XIRP2: variants seen among roughly 807,000 people sequenced by gnomAD.
The protein encoded by XIRP2 is xin actin binding repeat containing 2, also known as xin actin-binding repeat-containing protein 2.
In XIRP2, 236 loss-of-function variants were observed where a neutral mutation model predicts 277.0. The ratio of observed to expected loss-of-function variants is 0.85; its 90% CI spans 0.77 to 0.95. The LOEUF is 0.95. Among genes scored for constraint, XIRP2 ranks in the 40% least tolerant of loss-of-function variants. The probability of loss-of-function intolerance (pLI) is 0.00; values close to 1 mark genes in which losing one functional copy is unlikely to be tolerated. For missense variants in XIRP2, 4,640 were observed against 4,157.5 expected (o/e 1.12, Z -3.19); for synonymous variants, 1,490 against 1,416.5 (o/e 1.05, Z -1.17).
intron 2 of XIRP2, among the ~76,000 whole-genome samples, chr2:166,981,450 C>A (rs1166352230): frequency 6.7e-6 from 1 of 150,238 alleles, no homozygotes; most frequent in Non-Finnish European, 1.5e-5. Flanking sequence ...AAGATGGAGT[C>A]TTTCTCTGTC....
At chr2:167,214,142 G>GC (rs1694155526) in intron 4 of XIRP2, among the ~76,000 whole-genome samples, 4 of 95,934 alleles carry the variant, frequency 4.2e-5, no homozygotes, top group East Asian at 3.1e-4. Context: ...AGGAAGCAAA[G>GC]AGAAAGAGAA....
intron 2 of XIRP2, among the ~76,000 whole-genome samples, chr2:167,072,368 C>A (rs1689458129): frequency 1.3e-5 from 2 of 152,076 alleles, no homozygotes; most frequent in Admixed American, 1.3e-4. Flanking sequence ...CTATGTAATT[C>A]TTGACTGGAT....
chr2:167,247,841 T>G lies in XIRP2; in HGVS notation c.6449T>G (p.Ile2150Ser). ...AAGAGTCCTAAAAAGACCAAAAATA[T>G]TAAAATATTAACTGATACACAAAGC... Reference protein sequence around the residue: ...HIKSPKKTKNIKILTDTQSSK... With the variant: ...HIKSPKKTKNSKILTDTQSSK... The change falls in exon 9 of 11, where the codon ATT (isoleucine) becomes AGT (serine). Residue 2150 changes from isoleucine (I) to serine (S), a missense_variant. Coordinates refer to ENST00000409195, the MANE Select transcript of XIRP2 (RefSeq NM_152381.6). 6.2e-7 allele frequency: 1 copy of G among 1,613,340 alleles called. No homozygotes were observed.
At chr2:166,974,457 T>TTA (rs557041328) in intron 2 of XIRP2, among the ~76,000 whole-genome samples, 83 of 151,910 alleles carry the variant, frequency 5.5e-4, no homozygotes, top group African/African-American at 1.5e-3. Flanking sequence ...GGTTTAAAAG[T>TTA]TATATATATA....
chr2:167,247,099 GA>G lies in XIRP2; in HGVS notation c.5712del (p.Ala1905LeufsTer9). ...TATTGAAAAAGCTATTGAATGCCTT[GA>G]AAAAGCTACAAATACAAAGACAGAA... is the stretch of plus-strand genomic sequence containing the variant. ...GDIEKAIECL[E>X]KATNTKTEIL... On this transcript the variant is annotated frameshift_variant, in exon 9 of 11. Transcript: ENST00000409195. LOFTEE classifies it high-confidence loss of function. 6.2e-7 allele frequency: 1 copy of G among 1,612,854 alleles called. No individual in the cohort carries two copies. The highest frequency in any genetic ancestry group is 8.5e-7 in the Non-Finnish European group (1 of 1,179,600).
chr2:167,221,278 A>G (rs1483169957), intron 5 of XIRP2, among the ~76,000 whole-genome samples: 2 of 151,994 alleles, frequency 1.3e-5, no homozygotes, highest in Non-Finnish European at 2.9e-5. Flanking sequence ...CAGCTTGACC[A>G]ACATGGAGAA....
intron 2 of XIRP2, among the ~76,000 whole-genome samples, chr2:166,984,302 G>T (rs1376903109): frequency 6.6e-6 from 1 of 152,048 alleles, no homozygotes; most frequent in Non-Finnish European, 1.5e-5. Context: ...GGGATTATCT[G>T]GTTTATTTAA....
At position 167,244,625 on chromosome 2, in the gene XIRP2, G is replaced by C. The variant is rs886564524; in HGVS notation, c.3233G>C (p.Ser1078Thr). The change falls in exon 9 of 11, where the codon AGT (serine) becomes ACT (threonine). Residue 1078 changes from serine to threonine, a missense_variant. Ser to Thr is a moderately conservative substitution (Grantham distance 58). Coordinates refer to ENST00000409195, the MANE Select transcript of XIRP2 (RefSeq NM_152381.6). ...TTTAGTGATGTGGAAGAAACAGAAA[G>C]TAAAACTGAACAAACTAGAGATATT... ...KYFSDVEETESKTEQTRDIVK... is the reference protein window; with the variant it reads ...KYFSDVEETETKTEQTRDIVK... 6.2e-7 allele frequency: 1 copy of C among 1,612,882 alleles called. No homozygotes were observed. Among genetic ancestry groups the C allele is most frequent in the African/African-American group, 1.3e-5 (1 of 74,870 alleles).
At chr2:167,049,336 A>G (rs564078087) in intron 2 of XIRP2, among the ~76,000 whole-genome samples, 1 of 151,954 alleles carries the variant, frequency 6.6e-6, no homozygotes, top group East Asian at 1.9e-4. Context: ...TTTACTAGCA[A>G]TTGAAAGCCA....
chr2:167,245,535 G>A lies in XIRP2; in HGVS notation c.4143G>A (p.Lys1381=), dbSNP rs776474792. 3.1e-6 allele frequency: 5 copies of A among 1,613,486 alleles called. No individual in the cohort carries two copies. In the African/African-American group the frequency reaches 6.7e-5, roughly 22 times the overall value. Reference sequence around the variant, plus strand: ...CTGTCACACAAGAAGACATTCAGAAGGGAGATGTTAGTTCTGTCAGATACA... The same window carrying A: ...CTGTCACACAAGAAGACATTCAGAAAGGAGATGTTAGTTCTGTCAGATACA... ...IKSVTQEDIQ[K]GDVSSVRYRF... is the part of the protein sequence containing the mutation. Residue 1381 remains lysine, a synonymous_variant, in exon 9 of 11, where the codon AAG becomes AAA. Transcript: ENST00000409195.
intron 3 of XIRP2, among the ~76,000 whole-genome samples, chr2:167,188,360 A>G (rs1693225323): frequency 6.6e-6 from 1 of 152,196 alleles, no homozygotes; most frequent in Non-Finnish European, 1.5e-5. Flanking sequence ...AAGCAAGGAC[A>G]CTTTAAGATT....
intron 2 of XIRP2, among the ~76,000 whole-genome samples, chr2:166,989,194 A>C (rs1202442740): frequency 6.7e-5 from 7 of 104,706 alleles, no homozygotes; most frequent in African/African-American, 3.0e-4. Context: ...ACTGGGAGGC[A>C]CCCCCCAGCA....
At chr2:167,253,946 A>T (rs760560572) in intron 9 of XIRP2, 86 bp from the exon 10 acceptor site, 12 of 1,425,470 alleles carry the variant, frequency 8.4e-6, no homozygotes, top group Non-Finnish European at 9.4e-6. Flanking sequence ...CCGCATGGCC[A>T]GTTAATATGT....
intron 2 of XIRP2, among the ~76,000 whole-genome samples, chr2:167,067,262 T>C (rs1309384083): frequency 6.7e-6 from 1 of 150,310 alleles, no homozygotes; most frequent in African/African-American, 2.5e-5. Flanking sequence ...TTTTCAATAT[T>C]TTCCATTGCT....
At chr2:167,201,852 A>T (rs751684651) in intron 3 of XIRP2, among the ~76,000 whole-genome samples, 1 of 152,236 alleles carries the variant, frequency 6.6e-6, no homozygotes, top group Non-Finnish European at 1.5e-5. Context: ...TATTTTAATG[A>T]AAATATATTT....
intron 1 of XIRP2, among the ~76,000 whole-genome samples, chr2:166,889,050 C>T (rs1034960217): frequency 2.1e-4 from 32 of 152,250 alleles, no homozygotes; most frequent in African/African-American, 7.7e-4. Context: ...AGGGCATGAG[C>T]CTGCAGCTGA....
In XIRP2 at chr2:166,891,733, A is replaced by G. The variant is rs1346573148; in HGVS notation, c.-19+3176A>G. 2.0e-5 allele frequency among the ~76,000 whole-genome samples: 3 copies of G among 152,306 alleles called. No homozygotes were observed. In the East Asian group the frequency reaches 5.8e-4, roughly 29 times the overall value. ...ATAATCTTTCTTAATCACAACAAAA[A>G]TTCTGAAAGCTTGGTAACAGAAAAT... On this transcript the variant is annotated intron_variant, in intron 1 of 10. Transcript: ENST00000409195.
At chr2:167,032,053 A>G (rs952031385) in intron 2 of XIRP2, among the ~76,000 whole-genome samples, 7 of 152,206 alleles carry the variant, frequency 4.6e-5, no homozygotes, top group African/African-American at 7.2e-5. Context: ...ACTTCAAACT[A>G]TACTACAAAT....
At chr2:166,994,704 TTTAAAAA>T (rs999538017) in intron 2 of XIRP2, among the ~76,000 whole-genome samples, 9 of 150,620 alleles carry the variant, frequency 6.0e-5, no homozygotes, top group Non-Finnish European at 1.5e-5. Context: ...AAAAAAAAAC[TTTAAAAA>T]TTTGAGTAAG....
Sources: allele counts gnomAD v4.1 joint callset (sites outside exome capture counted in the v4.1 genomes callset), GRCh38; gene constraint gnomAD v4.1.1; transcripts MANE v1.5; gene names NCBI Gene and HGNC (gene_info 2026-07-23, HGNC 2026-07-21).